The following FNDC3B variants were observed in gnomAD, a reference collection of about 807,000 sequenced individuals.
FNDC3B encodes the protein fibronectin type III domain containing 3B.
Under a neutral mutation model 151.5 loss-of-function variants are expected in FNDC3B, and 12 were observed. That is an observed-to-expected ratio of 0.08 (90% CI 0.05 to 0.13). FNDC3B has a LOEUF of 0.13. Ranked by LOEUF, FNDC3B falls within the 10% of genes least tolerant of loss-of-function variation. The pLI, the probability that FNDC3B is intolerant of heterozygous loss-of-function variation, is 1.00. For synonymous variants in FNDC3B, 528 were observed against 549.0 expected (o/e 0.96, Z 0.54); for missense variants, 1,214 against 1,505.3 (o/e 0.81, Z 3.20).
At chr3:172,190,185 T>A (rs1724430404) in intron 3 of FNDC3B, among the ~76,000 whole-genome samples, 1 of 152,256 alleles carries the variant, frequency 6.6e-6, no homozygotes, top group Non-Finnish European at 1.5e-5. Flanking sequence ...ATAAAGGTGC[T>A]TAATATGATG....
intron 9 of FNDC3B, among the ~76,000 whole-genome samples, chr3:172,300,466 T>TA (rs1730849033): frequency 6.7e-6 from 1 of 150,092 alleles, no homozygotes; most frequent in Non-Finnish European, 1.5e-5. Flanking sequence ...TTCCATTTAT[T>TA]TTTTTTTTAA....
chr3:172,263,971 T>A (rs1454040210), intron 6 of FNDC3B, among the ~76,000 whole-genome samples: 2 of 151,972 alleles, frequency 1.3e-5, no homozygotes, highest in African/African-American at 4.8e-5. Flanking sequence ...TCTGTGTCAT[T>A]TCTTCATTTT....
chr3:172,362,672 A>G lies in FNDC3B; in HGVS notation c.2835A>G (p.Pro945=), dbSNP rs1239506463. ...IQAINEIGAG[P]FSQFIKAKTR... ...CTATAAATGAAATTGGAGCTGGACC[A>G]TTTAGTCAGTTCATTAAAGCAAAAA... Residue 945 remains proline, a synonymous_variant, in exon 23 of 26, where the codon CCA becomes CCG. Coordinates refer to ENST00000415807, the MANE Select transcript of FNDC3B (RefSeq NM_022763.4). The G allele has an allele frequency of 6.2e-7, 1 of 1,613,886 alleles. No homozygotes were observed.
intron 3 of FNDC3B, among the ~76,000 whole-genome samples, chr3:172,220,185 G>C (rs80046050): frequency 6.9e-6 from 1 of 145,550 alleles, no homozygotes; most frequent in South Asian, 2.2e-4. Flanking sequence ...GTGTGTGTGT[G>C]TCTTTTAATA....
intron 3 of FNDC3B, among the ~76,000 whole-genome samples, chr3:172,217,646 G>GT (rs947946824): frequency 7.2e-4 from 51 of 70,708 alleles, no homozygotes; most frequent in African/African-American, 1.6e-3. Context: ...AGTGTATAGG[G>GT]TTTTTTTTTT....
At chr3:172,269,073 G>GGA (rs1462856387) in intron 6 of FNDC3B, among the ~76,000 whole-genome samples, 3 of 152,122 alleles carry the variant, frequency 2.0e-5, no homozygotes, top group Non-Finnish European at 4.4e-5. Flanking sequence ...AATCTTAAGT[G>GGA]GAGAGAATAT....
At chr3:172,380,483 T>C (rs1735382437) in intron 24 of FNDC3B, among the ~76,000 whole-genome samples, 1 of 152,184 alleles carries the variant, frequency 6.6e-6, no homozygotes, top group Non-Finnish European at 1.5e-5. Flanking sequence ...CCAGGTATGC[T>C]CTTTTCCTCC....
At chr3:172,068,173 C>G (rs1003327792) in intron 1 of FNDC3B, among the ~76,000 whole-genome samples, 1 of 152,186 alleles carries the variant, frequency 6.6e-6, no homozygotes, top group African/African-American at 2.4e-5. Flanking sequence ...CTATTCCCCC[C>G]AGTGGACTCC....
chr3:172,041,010 A>G (rs1054999724), intron 1 of FNDC3B, among the ~76,000 whole-genome samples: 1 of 152,214 alleles, frequency 6.6e-6, no homozygotes, highest in Non-Finnish European at 1.5e-5. Context: ...TTATCCAGAC[A>G]GTGCCGTTTG....
rs144209083 is a variant in FNDC3B at position 172,248,871 on chromosome 3, A to AT, written c.508+1104dup. 6.7e-3 allele frequency among the ~76,000 whole-genome samples: 1,003 copies of AT among 149,758 alleles called. 8 individuals are homozygous for AT. The highest frequency in any genetic ancestry group is 9.9e-3 in the Non-Finnish European group (665 of 67,378). On this transcript the variant is annotated intron_variant, in intron 5 of 25. Coordinates refer to ENST00000415807, the MANE Select transcript of FNDC3B (RefSeq NM_022763.4). ...ATTTGACTGTATGTGTGTTTTGTTTATTTTTTTTTGTAGTCAAAGAAATTT... is the reference window on the plus strand; with the variant it reads ...ATTTGACTGTATGTGTGTTTTGTTTATTTTTTTTTTGTAGTCAAAGAAATTT...
chr3:172,155,302 T>TG (rs1252719577), intron 3 of FNDC3B, among the ~76,000 whole-genome samples: 1 of 152,242 alleles, frequency 6.6e-6, no homozygotes, highest in African/African-American at 2.4e-5. Flanking sequence ...TTTGATTCCC[T>TG]GATTCTCTTT....
At chr3:172,258,430 A>G (rs560709481) in intron 6 of FNDC3B, among the ~76,000 whole-genome samples, 2 of 151,962 alleles carry the variant, frequency 1.3e-5, no homozygotes, top group African/African-American at 2.4e-5. Context: ...TTCTCTTACT[A>G]TTCTTATATT....
At chr3:172,308,231 C>T (rs906680832) in intron 10 of FNDC3B, among the ~76,000 whole-genome samples, 3 of 152,122 alleles carry the variant, frequency 2.0e-5, no homozygotes, top group African/African-American at 7.2e-5. Flanking sequence ...TCATGAAACA[C>T]AATTCACTGG....
chr3:172,142,126 G>A (rs898919761), intron 3 of FNDC3B, among the ~76,000 whole-genome samples: 3 of 152,172 alleles, frequency 2.0e-5, no homozygotes, highest in Admixed American at 1.3e-4. Flanking sequence ...TGTGTACAGA[G>A]CACTAAGAAC....
intron 3 of FNDC3B, among the ~76,000 whole-genome samples, chr3:172,202,789 AC>A (rs1323151282): frequency 4.6e-5 from 7 of 152,222 alleles, no homozygotes; most frequent in Non-Finnish European, 8.8e-5. Flanking sequence ...GCCTGAAAGC[AC>A]ATTCATAATT....
chr3:172,085,838 T>G (rs1363393104), intron 1 of FNDC3B, among the ~76,000 whole-genome samples: 1 of 152,242 alleles, frequency 6.6e-6, no homozygotes, highest in Non-Finnish European at 1.5e-5. Context: ...GAACTATTAA[T>G]GCATAATGGA....
At chr3:172,135,661 A>C (rs961124353) in intron 3 of FNDC3B, among the ~76,000 whole-genome samples, 1 of 152,162 alleles carries the variant, frequency 6.6e-6, no homozygotes, top group Admixed American at 6.5e-5. Context: ...ACCTGGATCC[A>C]GGTGCTTTAC....
Position 172,307,384 on chromosome 3 carries a change from C to T in FNDC3B, c.1083C>T (p.Ser361=), listed in dbSNP as rs756597691. 80 of 1,613,974 alleles carry T rather than the reference C, an allele frequency of 5.0e-5. No individual in the cohort carries two copies. Among genetic ancestry groups the T allele is most frequent in the Admixed American group, 6.7e-5 (4 of 59,986 alleles). Residue 361 remains serine (S), a synonymous_variant, in exon 10 of 26, where the codon TCC becomes TCT. Transcript: ENST00000415807. The part of the protein sequence containing the change: ...YHVRVYAMYN[S]VKGSCSEPVS... ...TCAGGGTGTATGCCATGTACAATTC[C>T]GTAAAGGGATCCTGCTCCGAGCCTG... is the stretch of plus-strand genomic sequence containing the variant.
intron 25 of FNDC3B, among the ~76,000 whole-genome samples, chr3:172,393,983 C>T (rs895154063): frequency 6.6e-6 from 1 of 151,388 alleles, no homozygotes; most frequent in African/African-American, 2.4e-5. Context: ...TGACGGGTGC[C>T]TGTAGTCCCA....
Sources: gnomAD v4.1 joint callset for allele counts (sites outside exome capture counted in the v4.1 genomes callset) on GRCh38, gnomAD v4.1.1 for gene constraint, MANE v1.5 for transcripts, NCBI Gene and HGNC (gene_info 2026-07-23, HGNC 2026-07-21) for gene names.